Variants in ITK observed in about 807,000 individuals in gnomAD.
The protein encoded by ITK is tyrosine-protein kinase ITK/TSK.
Under a neutral mutation model 87.6 loss-of-function variants are expected in ITK, and 45 were observed. The ratio of observed to expected loss-of-function variants is 0.51; its 90% CI spans 0.40 to 0.66. ITK has a LOEUF of 0.66. Among genes scored for constraint, ITK ranks in the 30% least tolerant of loss-of-function variants. The pLI is 0.00. For synonymous variants in ITK, 303 were observed against 273.6 expected (o/e 1.11, Z -1.06); for missense variants, 605 against 766.3 (o/e 0.79, Z 2.48).
At chr5:157,207,581 A>C (rs1754108539) in intron 1 of ITK, among the ~76,000 whole-genome samples, 2 of 151,466 alleles carry the variant, frequency 1.3e-5, no homozygotes, top group Non-Finnish European at 2.9e-5. Flanking sequence ...GGGTTTCACC[A>C]TGTTGGGCAG....
In ITK at chr5:157,252,679, T is replaced by C. The variant is rs757249774; in HGVS notation, c.*1T>C. On this transcript the variant is annotated 3_prime_UTR_variant, in exon 17 of 17. Coordinates refer to ENST00000422843, the MANE Select transcript of ITK (RefSeq NM_005546.4). ...TGAAATTGCAGAATCAGGACTTTAG[T>C]AGAGACTGAGTACCAGGCCACGGGC... 1 of 1,608,756 alleles carries C rather than the reference T, an allele frequency of 6.2e-7. No homozygotes were observed. The highest frequency in any genetic ancestry group is 8.5e-7 in the Non-Finnish European group (1 of 1,175,048).
chr5:157,204,247 C>G (rs147059577), intron 1 of ITK, among the ~76,000 whole-genome samples: 1 of 152,196 alleles, frequency 6.6e-6, no homozygotes, highest in African/African-American at 2.4e-5. Context: ...CTCAAATGAC[C>G]TCCTACCTCA....
At chr5:157,212,937 G>T (rs1363699147) in intron 3 of ITK, among the ~76,000 whole-genome samples, 1 of 152,154 alleles carries the variant, frequency 6.6e-6, no homozygotes, top group Non-Finnish European at 1.5e-5. Context: ...TTTATACACA[G>T]GGTGTTAAAA....
At chr5:157,185,531 C>T (rs572688657) in intron 1 of ITK, among the ~76,000 whole-genome samples, 56 of 152,198 alleles carry the variant, frequency 3.7e-4, no homozygotes, top group Admixed American at 2.6e-3. Flanking sequence ...TGAGCCATCG[C>T]GCCTGGCCTA....
chr5:157,187,158 T>G (rs976033246), intron 1 of ITK, among the ~76,000 whole-genome samples: 1 of 152,248 alleles, frequency 6.6e-6, no homozygotes, highest in African/African-American at 2.4e-5. Context: ...TCCTGTCCTG[T>G]TCTACCACAG....
intron 7 of ITK, 100 bp downstream of exon 7, chr5:157,228,461 T>TGTGA: frequency 1.3e-6 from 1 of 745,936 alleles, no homozygotes; most frequent in Non-Finnish European, 2.4e-6. Context: ...AGATGATCCC[T>TGTGA]ACTGCAACAG....
At chr5:157,223,777 T>G (rs1754476516) in intron 6 of ITK, among the ~76,000 whole-genome samples, 2 of 152,180 alleles carry the variant, frequency 1.3e-5, no homozygotes, top group African/African-American at 4.8e-5. Flanking sequence ...TTGCAAATAT[T>G]AACAACACTG....
At chr5:157,241,783 A>C (rs1011891619) in intron 11 of ITK, 63 bp downstream of exon 11, 18 of 1,221,036 alleles carry the variant, frequency 1.5e-5, no homozygotes, top group Non-Finnish European at 2.2e-5. Flanking sequence ...ATTCTGAATA[A>C]ACTGGCCATG....
At position 157,244,353 on chromosome 5, in the gene ITK, T is replaced by C; in HGVS notation, c.1324T>C (p.Cys442Arg). ...GGTGTTTGAGTTCATGGAGCACGGC[T>C]GCCTGTCAGATTATCTACGCACCCA... ...CLVFEFMEHG[C>R]LSDYLRTQRG... Residue 442 changes from cysteine (C) to arginine (R), a missense_variant, in exon 13 of 17, where the codon TGC becomes CGC. Physicochemically the swap from Cys to Arg is radical, Grantham distance 180. Transcript: ENST00000422843. The C allele has an allele frequency of 6.2e-7, 1 of 1,614,098 alleles. No homozygotes were observed. Among genetic ancestry groups the C allele is most frequent in the Non-Finnish European group, 8.5e-7 (1 of 1,179,970 alleles).
chr5:157,222,092 T>C (rs950582838), intron 5 of ITK, among the ~76,000 whole-genome samples: 1 of 152,196 alleles, frequency 6.6e-6, no homozygotes, highest in Non-Finnish European at 1.5e-5. Flanking sequence ...AATGCTTCAA[T>C]GTACTCAGAG....
intron 1 of ITK, among the ~76,000 whole-genome samples, chr5:157,205,695 G>C (rs1754063906): frequency 6.6e-6 from 1 of 152,140 alleles, no homozygotes; most frequent in East Asian, 1.9e-4. Context: ...TATTCAAGGG[G>C]AACGCCTTCA....
At position 157,253,817 on chromosome 5, in the gene ITK, C is replaced by T. The variant is rs575660876; in HGVS notation, c.*1139C>T. ...AACCATCAGGATGGAAACAGTCAGGCACTGACTGGGGTGCTTCCAAGAGGC... is the reference window on the plus strand; with the variant it reads ...AACCATCAGGATGGAAACAGTCAGGTACTGACTGGGGTGCTTCCAAGAGGC... On this transcript the variant is annotated 3_prime_UTR_variant, in exon 17 of 17. Coordinates refer to ENST00000422843, the MANE Select transcript of ITK (RefSeq NM_005546.4). 1.8e-5 allele frequency: 4 copies of T among 221,062 alleles called. No homozygotes were observed. In the East Asian group the frequency reaches 2.6e-4, roughly 15 times the overall value. The allele number at this position is 221,062 out of a possible 1,614,324, so 13.7% of individuals were successfully genotyped here.
At chr5:157,200,177 C>A (rs950317186) in intron 1 of ITK, among the ~76,000 whole-genome samples, 4 of 152,022 alleles carry the variant, frequency 2.6e-5, no homozygotes, top group African/African-American at 9.7e-5. Flanking sequence ...ACAAGCTTAC[C>A]CTTGTGAAGA....
intron 8 of ITK, among the ~76,000 whole-genome samples, chr5:157,237,223 C>A (rs1455099882): frequency 6.6e-6 from 1 of 152,164 alleles, no homozygotes; most frequent in Non-Finnish European, 1.5e-5. Flanking sequence ...TGAAAAAGAA[C>A]AAAATTGTGC....
chr5:157,216,288 A>T (rs1754297036), intron 4 of ITK, among the ~76,000 whole-genome samples: 1 of 152,166 alleles, frequency 6.6e-6, no homozygotes, highest in Non-Finnish European at 1.5e-5. Context: ...GTCTATGAGC[A>T]CTGGGCTTTG....
chr5:157,254,330 C>T lies in ITK; in HGVS notation c.*1652C>T, dbSNP rs1476582906. ...CTTTGGAGTTATTCAGTTAATGACC[C>T]TTTAATTCTCACAACCAACCAGTCA... is the stretch of plus-strand genomic sequence containing the variant. On this transcript the variant is annotated 3_prime_UTR_variant, in exon 17 of 17. Transcript: ENST00000422843. The T allele has an allele frequency of 4.4e-6, 1 of 225,554 alleles. No individual in the cohort carries two copies. Among genetic ancestry groups the T allele is most frequent in the Non-Finnish European group, 8.8e-6 (1 of 113,378 alleles). The allele number at this position is 225,554 out of a possible 1,614,324, so 14.0% of individuals were successfully genotyped here.
At chr5:157,223,278 C>A (rs915537599) in intron 6 of ITK, among the ~76,000 whole-genome samples, 3 of 152,248 alleles carry the variant, frequency 2.0e-5, no homozygotes, top group South Asian at 4.1e-4. Flanking sequence ...ATCTAAAAAA[C>A]CCCCTGGATT....
At chr5:157,202,093 C>G (rs1330624031) in intron 1 of ITK, among the ~76,000 whole-genome samples, 1 of 152,182 alleles carries the variant, frequency 6.6e-6, no homozygotes, top group Non-Finnish European at 1.5e-5. Flanking sequence ...GTTTTTAGTT[C>G]CTGTGTTAGT....
intron 7 of ITK, 112 bp from the exon 8 acceptor site, chr5:157,232,228 A>AAGC: frequency 1.3e-6 from 1 of 759,152 alleles, no homozygotes; most frequent in Admixed American, 2.4e-5. Context: ...AATTTTTTTA[A>AAGC]AGCACTGGTA....
Sources: allele counts gnomAD v4.1 joint callset (sites outside exome capture counted in the v4.1 genomes callset), GRCh38; gene constraint gnomAD v4.1.1; transcripts MANE v1.5; gene names NCBI Gene and HGNC (gene_info 2026-07-23, HGNC 2026-07-21).